RANBP17: variants seen among roughly 807,000 people sequenced by gnomAD.
RANBP17 encodes RAN binding protein 17, also known as ran-binding protein 17.
Under a neutral mutation model 141.2 loss-of-function variants are expected in RANBP17, and 158 were observed. That is an observed-to-expected ratio of 1.12 (90% confidence interval 0.98 to 1.28). The LOEUF (loss-of-function observed/expected upper bound fraction) is 1.28. Ranked by LOEUF, RANBP17 falls within the 50% of genes most tolerant of loss-of-function variation. The pLI, the probability that RANBP17 is intolerant of heterozygous loss-of-function variation, is 0.00. For missense variants in RANBP17, 1,438 were observed against 1,290.7 expected, an observed-to-expected ratio of 1.11 and a Z score of -1.75; for synonymous variants, 430 against 450.0, an observed-to-expected ratio of 0.96 and a Z score of 0.56.
chr5:171,089,309 T>C (rs1260612863), intron 14 of RANBP17, among the ~76,000 whole-genome samples: 1 of 109,060 alleles, frequency 9.2e-6, no homozygotes, highest in Admixed American at 9.3e-5. Context: ...GGAGGCAGTC[T>C]GCCCGTTCTC....
intron 14 of RANBP17, among the ~76,000 whole-genome samples, chr5:171,017,896 T>G (rs1158512982): frequency 6.6e-6 from 1 of 152,202 alleles, no homozygotes; most frequent in East Asian, 1.9e-4. Context: ...GTTTTTACAT[T>G]TAAGTCTTTA....
At position 170,909,067 on chromosome 5, in the gene RANBP17, C is replaced by G. The variant is rs1437461936; in HGVS notation, c.490-594C>G. 2.6e-5 allele frequency among the ~76,000 whole-genome samples: 4 copies of G among 151,646 alleles called. No individual in the cohort carries two copies. In the South Asian group the frequency reaches 8.3e-4, roughly 32 times the overall value. On this transcript the variant is annotated intron_variant, in intron 5 of 27. Transcript: ENST00000523189. ...ATATACTACATTTTAGGTTAGAGGC[C>G]TAAGAGCTAGTCTTAGTTTATTCTT...
intron 14 of RANBP17, among the ~76,000 whole-genome samples, chr5:171,121,608 C>T (rs773879358): frequency 2.6e-5 from 4 of 152,118 alleles, no homozygotes; most frequent in East Asian, 1.9e-4. Flanking sequence ...GGCTGAAGGG[C>T]GGGTTCACAC....
chr5:170,863,646 G>C (rs1026578996), intron 1 of RANBP17: 1 of 152,192 alleles, frequency 6.6e-6, no homozygotes. Flanking sequence ...GTAATCAGAT[G>C]TTCACAGAGC....
intron 14 of RANBP17, among the ~76,000 whole-genome samples, chr5:171,006,306 T>C (rs1326892357): frequency 6.6e-6 from 1 of 152,232 alleles, no homozygotes; most frequent in African/African-American, 2.4e-5. Context: ...CGTATGTTCA[T>C]TGTGGCACTA....
intron 4 of RANBP17, among the ~76,000 whole-genome samples, chr5:170,895,438 T>C (rs1200702071): frequency 1.3e-5 from 2 of 152,180 alleles, no homozygotes; most frequent in Non-Finnish European, 2.9e-5. Context: ...GGAAGCTGAT[T>C]AAATTAAAAA....
intron 22 of RANBP17, 121 bp from the exon 23 acceptor site, chr5:171,240,807 C>T (rs4376285): frequency 1.6e-6 from 1 of 610,902 alleles, no homozygotes; most frequent in South Asian, 2.8e-5. Context: ...AAAAAAAATT[C>T]TTAAAAATAT....
chr5:171,165,827 C>A (rs1759656007), intron 14 of RANBP17, among the ~76,000 whole-genome samples: 2 of 152,122 alleles, frequency 1.3e-5, no homozygotes, highest in Non-Finnish European at 2.9e-5. Flanking sequence ...TAAGACTCTT[C>A]TTACTGAATT....
At chr5:171,253,717 C>T (rs773985702) in intron 24 of RANBP17, among the ~76,000 whole-genome samples, 1 of 152,138 alleles carries the variant, frequency 6.6e-6, no homozygotes, top group Non-Finnish European at 1.5e-5. Context: ...TAAATTTGAG[C>T]ATATTTTTAT....
At chr5:171,158,934 A>G (rs1759098136) in intron 14 of RANBP17, among the ~76,000 whole-genome samples, 1 of 152,178 alleles carries the variant, frequency 6.6e-6, no homozygotes, top group African/African-American at 2.4e-5. Flanking sequence ...CTGTATTTTC[A>G]GGTAATGTAG....
intron 3 of RANBP17, among the ~76,000 whole-genome samples, chr5:170,887,881 A>G (rs2127374648): frequency 6.6e-6 from 1 of 152,314 alleles, no homozygotes; most frequent in African/African-American, 2.4e-5. Flanking sequence ...TCCTTTTTAA[A>G]GGACCTACTC....
At chr5:171,162,573 A>G (rs527359827) in intron 14 of RANBP17, among the ~76,000 whole-genome samples, 11 of 152,256 alleles carry the variant, frequency 7.2e-5, no homozygotes, top group Admixed American at 3.3e-4. Context: ...GCTGGTTTTC[A>G]CATTATACCT....
intron 27 of RANBP17, among the ~76,000 whole-genome samples, chr5:171,296,682 G>A (rs1768843516): frequency 6.6e-6 from 1 of 152,230 alleles, no homozygotes; most frequent in Non-Finnish European, 1.5e-5. Context: ...GGAAGCCGAG[G>A]TGGGTGGATC....
chr5:170,896,201 C>T (rs1359687258), intron 5 of RANBP17, 86 bp downstream of exon 5: 17 of 911,932 alleles, frequency 1.9e-5, no homozygotes, highest in South Asian at 3.2e-5. Context: ...GCAAAATAGA[C>T]AGCCTTCATT....
At chr5:171,221,987 A>G (rs574261755) in intron 22 of RANBP17, 147 bp downstream of exon 22, 2 of 601,370 alleles carry the variant, frequency 3.3e-6, no homozygotes, top group East Asian at 5.6e-5. Flanking sequence ...CCAGTTAGCT[A>G]TCATATTGGC....
At chr5:170,943,409 G>A (rs1274744805) in intron 12 of RANBP17, among the ~76,000 whole-genome samples, 1 of 152,038 alleles carries the variant, frequency 6.6e-6, no homozygotes, top group Non-Finnish European at 1.5e-5. Context: ...TAAGAAATAG[G>A]TCATTAACAG....
chr5:170,886,281 CT>C (rs1769138854), intron 3 of RANBP17, among the ~76,000 whole-genome samples: 1 of 152,152 alleles, frequency 6.6e-6, no homozygotes, highest in South Asian at 2.1e-4. Flanking sequence ...AAGGTATTCC[CT>C]TACCGGCAAG....
Position 170,919,551 on chromosome 5 carries a change from T to C in RANBP17, c.1212T>C (p.Tyr404=), listed in dbSNP as rs759901469. ...KSTEPHLLDT[Y]APEITKAFIT... is the part of the protein sequence containing the mutation. ...CTGAACCCCACCTATTAGACACTTA[T>C]GCACCAGAAATCACGAAGGCCTTTA... The change falls in exon 11 of 28, where the codon TAT becomes TAC. Residue 404 remains tyrosine, a synonymous_variant. Transcript: ENST00000523189. 67 of 1,611,922 alleles carry C rather than the reference T, an allele frequency of 4.2e-5. No individual in the cohort carries two copies. Among genetic ancestry groups the C allele is most frequent in the East Asian group, 8.9e-5 (4 of 44,784 alleles).
At chr5:171,127,446 A>G (rs998801529) in intron 14 of RANBP17, among the ~76,000 whole-genome samples, 1 of 152,232 alleles carries the variant, frequency 6.6e-6, no homozygotes, top group Non-Finnish European at 1.5e-5. Flanking sequence ...AATGGGAGAA[A>G]ATATTTGCAA....
Sources: gnomAD v4.1 joint callset for allele counts (sites outside exome capture counted in the v4.1 genomes callset) on GRCh38, gnomAD v4.1.1 for gene constraint, MANE v1.5 for transcripts, NCBI Gene and HGNC (gene_info 2026-07-23, HGNC 2026-07-21) for gene names.